The following ANKDD1B variants were observed in gnomAD, a reference collection of about 807,000 sequenced individuals.
The protein encoded by ANKDD1B is ankyrin repeat and death domain containing 1B.
A neutral mutation model predicts 59.7 loss-of-function variants in ANKDD1B; 57 were observed. That is an observed-to-expected ratio of 0.95 (90% CI 0.77 to 1.19). ANKDD1B has a LOEUF of 1.19. ANKDD1B is among the 50% of genes most tolerant of loss of function. The pLI, the probability that ANKDD1B is intolerant of heterozygous loss-of-function variation, is 0.00. For synonymous variants in ANKDD1B, 216 were observed against 239.5 expected (o/e 0.90, Z 0.91); for missense variants, 602 against 641.9 (o/e 0.94, Z 0.67).
In ANKDD1B at chr5:75,642,080, ATATAG is replaced by A. The variant is rs923890815; in HGVS notation, c.798+6206_798+6210del. On this transcript the variant is annotated intron_variant, in intron 7 of 13. Transcript: ENST00000601380. ...TAATCATAGAACACTAATTGAAAAAATATAGTATAGTAAATATTAATATAATATTG... is the reference window on the plus strand; with the variant it reads ...TAATCATAGAACACTAATTGAAAAAATATAGTAAATATTAATATAATATTG... Among the ~76,000 whole-genome samples the A allele has an allele frequency of 1.8e-3, 267 of 151,924 alleles. 1 individual carries two copies. The highest frequency in any genetic ancestry group is 5.8e-3 in the African/African-American group (240 of 41,564).
chr5:75,611,837 G>A lies in ANKDD1B; in HGVS notation c.193+10G>A, dbSNP rs1230345394. Reference sequence around the variant, plus strand: ...GCCGGACACGAGCTCCGTGAGTCCCGGGACGAGGTCTCAGAAAATCAGGCT... The same window carrying A: ...GCCGGACACGAGCTCCGTGAGTCCCAGGACGAGGTCTCAGAAAATCAGGCT... On this transcript the variant is annotated intron_variant, in intron 1 of 13. Transcript: ENST00000601380. 10 of 1,227,464 alleles carry A rather than the reference G, an allele frequency of 8.1e-6. No individual in the cohort carries two copies. The highest frequency in any genetic ancestry group is 1.6e-5 in the African/African-American group (1 of 61,162). The allele number at this position is 1,227,464 out of a possible 1,614,324, so 76.0% of individuals were successfully genotyped here.
chr5:75,633,798 C>A (rs1774227540), intron 5 of ANKDD1B, among the ~76,000 whole-genome samples: 2 of 152,058 alleles, frequency 1.3e-5, no homozygotes, highest in Admixed American at 6.6e-5. Flanking sequence ...GGAGGTGGGA[C>A]CTATTGGGAG....
chr5:75,669,922 T>C (rs1416924833), intron 13 of ANKDD1B, among the ~76,000 whole-genome samples: 2 of 152,220 alleles, frequency 1.3e-5, no homozygotes, highest in Admixed American at 1.3e-4. Context: ...TAAAAACTTA[T>C]CAATAAATTA....
intron 9 of ANKDD1B, among the ~76,000 whole-genome samples, chr5:75,656,722 G>A (rs907258763): frequency 6.6e-6 from 1 of 152,180 alleles, no homozygotes; most frequent in Admixed American, 6.5e-5. Context: ...GGCTCTTCTG[G>A]GGCTGGCCTG....
chr5:75,650,567 T>G (rs1229057533), intron 7 of ANKDD1B, among the ~76,000 whole-genome samples: 2 of 152,176 alleles, frequency 1.3e-5, no homozygotes, highest in Admixed American at 6.5e-5. Flanking sequence ...TATGGCAATG[T>G]CTTATAACAA....
chr5:75,629,431 C>T (rs551626449), intron 5 of ANKDD1B, among the ~76,000 whole-genome samples: 5 of 152,158 alleles, frequency 3.3e-5, no homozygotes, highest in Non-Finnish European at 5.9e-5. Context: ...CTCCTAAGAG[C>T]GACACATCTC....
intron 7 of ANKDD1B, among the ~76,000 whole-genome samples, chr5:75,637,048 A>G (rs1451831857): frequency 6.6e-6 from 1 of 151,616 alleles, no homozygotes. Flanking sequence ...GGAGTTTGAG[A>G]CCAGCCTGGC....
chr5:75,653,292 T>C (rs1462355332), intron 8 of ANKDD1B, 52 bp downstream of exon 8: 4 of 1,326,604 alleles, frequency 3.0e-6, no homozygotes, highest in African/African-American at 2.9e-5. Flanking sequence ...TGAGGTTGGC[T>C]GTGTCAGGGA....
chr5:75,640,739 G>C (rs148328508), intron 7 of ANKDD1B, among the ~76,000 whole-genome samples: 290 of 152,336 alleles, frequency 1.9e-3, no homozygotes, highest in African/African-American at 6.6e-3. Context: ...CATGCAGTGG[G>C]AAGGAGACTT....
At chr5:75,670,603 TGAA>T (rs1197490010) in intron 13 of ANKDD1B, among the ~76,000 whole-genome samples, 9 of 152,232 alleles carry the variant, frequency 5.9e-5, no homozygotes, top group Non-Finnish European at 8.8e-5. Flanking sequence ...TATGTAAAAT[TGAA>T]GAAGTGCTGG....
At chr5:75,628,577 C>T (rs1049906952) in intron 5 of ANKDD1B, among the ~76,000 whole-genome samples, 1 of 152,278 alleles carries the variant, frequency 6.6e-6, no homozygotes, top group African/African-American at 2.4e-5. Context: ...AGTTTCTTAT[C>T]AACAGAAAGT....
intron 7 of ANKDD1B, among the ~76,000 whole-genome samples, chr5:75,651,031 G>C (rs924389418): frequency 4.6e-5 from 7 of 152,218 alleles, no homozygotes; most frequent in Admixed American, 4.6e-4. Context: ...TAAGAGGAAC[G>C]ATTACAAGAG....
Position 75,662,609 on chromosome 5 carries a change from T to C in ANKDD1B, c.1096-785T>C, listed in dbSNP as rs76259116. Among the ~76,000 whole-genome samples the C allele has an allele frequency of 8.4e-3, 1,279 of 152,282 alleles. 20 individuals are homozygous for C. Among genetic ancestry groups the C allele is most frequent in the African/African-American group, 0.029 (1,224 of 41,554 alleles). On this transcript the variant is annotated intron_variant, in intron 10 of 13. Transcript: ENST00000601380. ...TGCTCAGGGAAAAATATTTAGATGT[T>C]GAAGTGGTGCACTCTATGAAATCCA...
At chr5:75,661,899 ATTTTTTTTTTTT>A (rs35120763) in intron 10 of ANKDD1B, among the ~76,000 whole-genome samples, 3 of 92,808 alleles carry the variant, frequency 3.2e-5, no homozygotes, top group South Asian at 3.9e-4. Flanking sequence ...GGCTCCCACA[ATTTTTTTTTTTT>A]TTTTTTTTTT....
chr5:75,617,284 T>C (rs1015318398), intron 2 of ANKDD1B, among the ~76,000 whole-genome samples: 12 of 152,102 alleles, frequency 7.9e-5, no homozygotes, highest in African/African-American at 2.9e-4. Flanking sequence ...ACAATCTGGG[T>C]TGTTTTCTTG....
At chr5:75,634,460 T>A (rs145480962) in intron 5 of ANKDD1B, among the ~76,000 whole-genome samples, 1 of 152,332 alleles carries the variant, frequency 6.6e-6, no homozygotes, top group Admixed American at 6.5e-5. Context: ...ATGAGCCACA[T>A]AAATAATAAG....
chr5:75,656,139 A>G lies in ANKDD1B; in HGVS notation c.996+12A>G. 1 of 1,342,864 alleles carries G rather than the reference A, an allele frequency of 7.4e-7. No individual in the cohort carries two copies. The highest frequency in any genetic ancestry group is 1.3e-5 in the South Asian group (1 of 76,988). 83.2% of individuals were successfully genotyped at this position (1,342,864 alleles called of 1,614,324 possible). ...ACATCTTAAATCAGGTAAGCCAGGC[A>G]AATCAGAGCCTGGAGGGTCTCTTTT... On this transcript the variant is annotated intron_variant, in intron 9 of 13. Coordinates refer to ENST00000601380, the MANE Select transcript of ANKDD1B (RefSeq NM_001276713.2).
intron 2 of ANKDD1B, among the ~76,000 whole-genome samples, chr5:75,619,563 T>C (rs1773794034): frequency 6.6e-6 from 1 of 152,248 alleles, no homozygotes; most frequent in South Asian, 2.1e-4. Flanking sequence ...ATTTTTTTAT[T>C]ATTTATGTAT....
intron 5 of ANKDD1B, among the ~76,000 whole-genome samples, chr5:75,632,182 A>G (rs755187456): frequency 1.3e-5 from 2 of 152,106 alleles, no homozygotes; most frequent in Non-Finnish European, 2.9e-5. Context: ...ATTCTCTGAC[A>G]TAGGCAGTTG....
Sources: allele counts gnomAD v4.1 joint callset (sites outside exome capture counted in the v4.1 genomes callset), GRCh38; gene constraint gnomAD v4.1.1; transcripts MANE v1.5; gene names NCBI Gene and HGNC (gene_info 2026-07-23, HGNC 2026-07-21).